SASH1: variants seen among roughly 807,000 people sequenced by gnomAD.
The protein encoded by SASH1 is SAM and SH3 domain containing 1.
SASH1 carries 44 observed loss-of-function variants against 125.2 expected under a neutral mutation model. That is an observed-to-expected ratio of 0.35 (90% CI 0.28 to 0.45). SASH1 has a LOEUF of 0.45. SASH1 is among the 20% of genes least tolerant of loss of function. The pLI, the probability that SASH1 is intolerant of heterozygous loss-of-function variation, is 1.00. For synonymous variants in SASH1, 639 were observed against 649.1 expected (o/e 0.98, Z 0.24); for missense variants, 1,426 against 1,614.5 (o/e 0.88, Z 2.00).
chr6:148,502,559 G>C (rs1178554906), intron 8 of SASH1, among the ~76,000 whole-genome samples: 1 of 152,216 alleles, frequency 6.6e-6, no homozygotes, highest in Admixed American at 6.5e-5. Flanking sequence ...CTGAGGTAGG[G>C]AGGGACTTTC....
At chr6:148,252,502 A>C in the SASH1 span, among the ~76,000 whole-genome samples, 1 of 149,236 alleles carries the variant, frequency 6.7e-6, no homozygotes. Flanking sequence ...TTTTTGAGAC[A>C]GAGTCTCGCT....
intron 1 of SASH1, among the ~76,000 whole-genome samples, chr6:148,305,071 C>T (rs1311768789): frequency 1.3e-5 from 2 of 152,170 alleles, no homozygotes; most frequent in African/African-American, 4.8e-5. Flanking sequence ...GTCTATACTA[C>T]TCAGTTCCTG....
chr6:148,422,156 A>G (rs777411560), intron 2 of SASH1, among the ~76,000 whole-genome samples: 2 of 152,172 alleles, frequency 1.3e-5, no homozygotes, highest in Non-Finnish European at 2.9e-5. Context: ...GCCCACAAGC[A>G]CCAATGCCCA....
At chr6:148,542,845 A>G (rs891395093) in intron 17 of SASH1, among the ~76,000 whole-genome samples, 83 of 142,288 alleles carry the variant, frequency 5.8e-4, no homozygotes, top group Middle Eastern at 3.4e-3. Flanking sequence ...AAATGTAACA[A>G]GGGACAGTGT....
chr6:148,325,728 G>A (rs538462620), intron 1 of SASH1, among the ~76,000 whole-genome samples: 1 of 152,114 alleles, frequency 6.6e-6, no homozygotes, highest in African/African-American at 2.4e-5. Context: ...TGAGATTTGG[G>A]TGGAGACACA....
At chr6:148,506,400 G>A (rs909715199) in intron 8 of SASH1, among the ~76,000 whole-genome samples, 1 of 151,918 alleles carries the variant, frequency 6.6e-6, no homozygotes, top group East Asian at 2.0e-4. Context: ...GCTTGAACCC[G>A]GGAGGTGGAG....
rs561386822 is a variant in SASH1 at position 148,414,030 on chromosome 6, C to T, written c.285+23768C>T. Among the ~76,000 whole-genome samples, 160 of 152,160 alleles carry T rather than the reference C, an allele frequency of 1.1e-3. 5 individuals carry two copies. The South Asian group carries it at 0.032, about 31-fold the overall frequency. On this transcript the variant is annotated intron_variant, in intron 2 of 19. Coordinates refer to ENST00000367467, the MANE Select transcript of SASH1 (RefSeq NM_015278.5). ...TGGAAGCTTGGGTCACTTCTGGGAC[C>T]CTCCTTAGCCAGGAGCACATCAGTA...
chr6:148,366,595 T>TTTTGTTTG (rs943961657), intron 1 of SASH1, among the ~76,000 whole-genome samples: 1 of 152,074 alleles, frequency 6.6e-6, no homozygotes, highest in Non-Finnish European at 1.5e-5. Flanking sequence ...ATTCCATTTG[T>TTTTGTTTG]TTTGTTTGTT....
intron 4 of SASH1, among the ~76,000 whole-genome samples, chr6:148,451,638 G>C (rs1777105862): frequency 6.6e-6 from 1 of 152,078 alleles, no homozygotes; most frequent in African/African-American, 2.4e-5. Context: ...TCTCTTAAAA[G>C]AAAGAAAGGA....
intron 16 of SASH1, among the ~76,000 whole-genome samples, chr6:148,539,909 G>A (rs1474306747): frequency 6.6e-6 from 1 of 152,074 alleles, no homozygotes; most frequent in Non-Finnish European, 1.5e-5. Flanking sequence ...GTTGCTGAGG[G>A]CTAAGAATGC....
At chr6:148,408,328 G>C (rs1338826392) in intron 2 of SASH1, among the ~76,000 whole-genome samples, 1 of 149,768 alleles carries the variant, frequency 6.7e-6, no homozygotes, top group Non-Finnish European at 1.5e-5. Flanking sequence ...GGTTGGTCTT[G>C]AACTCCTGAC....
chr6:148,255,880 A>T, the SASH1 span, among the ~76,000 whole-genome samples: 1 of 152,106 alleles, frequency 6.6e-6, no homozygotes, highest in African/African-American at 2.4e-5. Context: ...GGACTCAAGC[A>T]ATCTACCCGC....
chr6:148,442,723 CT>C (rs1181908013), intron 4 of SASH1, among the ~76,000 whole-genome samples: 4 of 152,192 alleles, frequency 2.6e-5, no homozygotes, highest in Admixed American at 2.6e-4. Context: ...ATAACTTTTT[CT>C]AATACATAGT....
At chr6:148,455,001 T>C (rs1031608206) in intron 4 of SASH1, among the ~76,000 whole-genome samples, 3 of 152,232 alleles carry the variant, frequency 2.0e-5, no homozygotes, top group African/African-American at 7.2e-5. Flanking sequence ...TTTTATCGTA[T>C]TACTCTGTAT....
chr6:148,312,220 G>C (rs547078002), intron 1 of SASH1, among the ~76,000 whole-genome samples: 1 of 152,250 alleles, frequency 6.6e-6, no homozygotes, highest in Non-Finnish European at 1.5e-5. Context: ...TGTCATGCTG[G>C]TTACATGACT....
intron 1 of SASH1, among the ~76,000 whole-genome samples, chr6:148,379,043 C>A (rs1349278297): frequency 1.3e-5 from 2 of 152,130 alleles, no homozygotes; most frequent in African/African-American, 4.8e-5. Flanking sequence ...TGTGTGGGTG[C>A]AAAGTTAATG....
chr6:148,518,117 C>G (rs1299486626), intron 9 of SASH1, among the ~76,000 whole-genome samples: 1 of 152,152 alleles, frequency 6.6e-6, no homozygotes, highest in African/African-American at 2.4e-5. Flanking sequence ...CCCTTGGTCT[C>G]CACACCTTGT....
upstream of SASH1, among the ~76,000 whole-genome samples, chr6:148,342,339 T>G (rs1282450621): frequency 6.6e-6 from 1 of 152,228 alleles, no homozygotes; most frequent in Admixed American, 6.5e-5. Context: ...CACGGACTAC[T>G]TGTGAAGCCT....
intron 2 of SASH1, among the ~76,000 whole-genome samples, chr6:148,425,009 C>A (rs568213910): frequency 6.6e-6 from 1 of 152,144 alleles, no homozygotes; most frequent in African/African-American, 2.4e-5. Flanking sequence ...CAGGGCAGAG[C>A]GGTGTAAGTG....
Sources: gnomAD v4.1 joint callset for allele counts (sites outside exome capture counted in the v4.1 genomes callset) on GRCh38, gnomAD v4.1.1 for gene constraint, MANE v1.5 for transcripts, NCBI Gene and HGNC (gene_info 2026-07-23, HGNC 2026-07-21) for gene names.